LRP1B: variants seen among roughly 807,000 people sequenced by gnomAD.
LRP1B encodes low-density lipoprotein receptor-related protein 1B.
In LRP1B, 217 loss-of-function variants were observed where a neutral mutation model predicts 556.6. That is an observed-to-expected ratio of 0.39 (90% confidence interval 0.35 to 0.44). The LOEUF (loss-of-function observed/expected upper bound fraction) is 0.44. Among genes scored for constraint, LRP1B ranks in the 20% least tolerant of loss-of-function variants. The pLI is 1.00. For synonymous variants in LRP1B, 2,047 were observed against 1,865.8 expected (o/e 1.10, Z -2.50); for missense variants, 5,053 against 5,620.8 (o/e 0.90, Z 3.23).
At chr2:141,333,879 A>G (rs2714190) in intron 3 of LRP1B, among the ~76,000 whole-genome samples, 88,240 of 151,924 alleles carry the variant, frequency 0.58, 26,552 homozygotes, top group African/African-American at 0.68. Context: ...GCATATGTGT[A>G]TGATATGAGT....
At chr2:140,735,590 G>A (rs1411197403) in intron 35 of LRP1B, among the ~76,000 whole-genome samples, 2 of 152,156 alleles carry the variant, frequency 1.3e-5, no homozygotes, top group African/African-American at 4.8e-5. Context: ...ATATCTGGAT[G>A]TATGTCTTTG....
At chr2:140,827,228 C>T (rs1371389000) in intron 31 of LRP1B, among the ~76,000 whole-genome samples, 2 of 151,982 alleles carry the variant, frequency 1.3e-5, no homozygotes, top group Admixed American at 1.3e-4. Flanking sequence ...CCATAAGAAA[C>T]TACAGCAAAC....
chr2:140,644,531 T>C (rs1684411466), intron 41 of LRP1B, among the ~76,000 whole-genome samples: 1 of 151,902 alleles, frequency 6.6e-6, no homozygotes. Context: ...CCCAAGTTGC[T>C]AGACTATAGA....
chr2:141,023,342 G>A (rs969886815), intron 11 of LRP1B, among the ~76,000 whole-genome samples: 1 of 151,620 alleles, frequency 6.6e-6, no homozygotes, highest in Non-Finnish European at 1.5e-5. Flanking sequence ...AATTCCTGAT[G>A]TTAACAATAT....
chr2:140,659,292 A>AT (rs1437501587), intron 41 of LRP1B, among the ~76,000 whole-genome samples: 3 of 151,656 alleles, frequency 2.0e-5, no homozygotes, highest in Non-Finnish European at 4.4e-5. Flanking sequence ...TAGTAGATCT[A>AT]TTTTTCAGCA....
chr2:141,107,197 T>C (rs1700626833), intron 7 of LRP1B, among the ~76,000 whole-genome samples: 1 of 152,156 alleles, frequency 6.6e-6, no homozygotes, highest in Non-Finnish European at 1.5e-5. Context: ...ACTTAGTAAA[T>C]AATAGCATAT....
rs576632533 is a variant in LRP1B at position 141,665,468 on chromosome 2, T to C, written c.205+144811A>G. 1.4e-3 allele frequency among the ~76,000 whole-genome samples: 220 copies of C among 152,322 alleles called. 2 individuals are homozygous for C. Among genetic ancestry groups the C allele is most frequent in the African/African-American group, 5.1e-3 (211 of 41,580 alleles). ...GTCTGTGGAGAAGTTGGAACACTTTTACACTGTTGGGAATGTAAATTAATT... is the reference window on the plus strand; with the variant it reads ...GTCTGTGGAGAAGTTGGAACACTTTCACACTGTTGGGAATGTAAATTAATT... On this transcript the variant is annotated intron_variant, in intron 2 of 90. Coordinates refer to ENST00000389484, the MANE Select transcript of LRP1B (RefSeq NM_018557.3).
At position 141,188,458 on chromosome 2, in the gene LRP1B, G is replaced by C. The variant is rs1025444415; in HGVS notation, c.976C>G (p.His326Asp). 1.5e-5 allele frequency: 24 copies of C among 1,612,442 alleles called. No homozygotes were observed. The highest frequency in any genetic ancestry group is 1.8e-5 in the Non-Finnish European group (21 of 1,179,132). The change falls in exon 7 of 91, where the codon CAC becomes GAC. Residue 326 changes from histidine to aspartate, a missense_variant. By Grantham distance (81) the His-to-Asp change is moderately conservative. Coordinates refer to ENST00000389484, the MANE Select transcript of LRP1B (RefSeq NM_018557.3). ...TCTACTGCTATTGCTTTAGGATTGTGAAGCTCCAGATCAATCAGGGTGACA... is the reference window on the plus strand; with the variant it reads ...TCTACTGCTATTGCTTTAGGATTGTCAAGCTCCAGATCAATCAGGGTGACA... ...VCVTLIDLELHNPKAIAVDPI... is the reference protein window; with the variant it reads ...VCVTLIDLELDNPKAIAVDPI...
intron 2 of LRP1B, among the ~76,000 whole-genome samples, chr2:141,660,813 A>G (rs539798159): frequency 6.3e-4 from 96 of 152,064 alleles, no homozygotes; most frequent in Non-Finnish European, 3.2e-4. Flanking sequence ...CACACCTTCC[A>G]CCAATGAGCA....
chr2:141,413,547 A>G (rs1436136425), intron 3 of LRP1B, among the ~76,000 whole-genome samples: 1 of 152,160 alleles, frequency 6.6e-6, no homozygotes, highest in Non-Finnish European at 1.5e-5. Flanking sequence ...CGAATTACAG[A>G]ACATCAAGAT....
intron 2 of LRP1B, among the ~76,000 whole-genome samples, chr2:141,488,635 T>A (rs567676781): frequency 6.6e-6 from 1 of 151,786 alleles, no homozygotes; most frequent in African/African-American, 2.4e-5. Flanking sequence ...ATTCTTTTAT[T>A]TTTTTTGTAC....
intron 2 of LRP1B, among the ~76,000 whole-genome samples, chr2:141,480,959 C>G (rs1049794157): frequency 1.3e-5 from 2 of 152,002 alleles, no homozygotes; most frequent in Non-Finnish European, 2.9e-5. Flanking sequence ...GTAACAGGAA[C>G]AAAAATGTTT....
intron 67 of LRP1B, among the ~76,000 whole-genome samples, chr2:140,381,974 C>G (rs1056378505): frequency 6.6e-6 from 1 of 150,456 alleles, no homozygotes; most frequent in Non-Finnish European, 1.5e-5. Context: ...AACCACAGAA[C>G]TGAAAAGAGC....
chr2:141,806,819 T>A (rs1246015243), intron 2 of LRP1B, among the ~76,000 whole-genome samples: 1 of 152,054 alleles, frequency 6.6e-6, no homozygotes, highest in African/African-American at 2.4e-5. Flanking sequence ...CCAAACAATA[T>A]CCATTTAATT....
At chr2:141,488,733 C>T (rs72849660) in intron 2 of LRP1B, among the ~76,000 whole-genome samples, 10,075 of 152,032 alleles carry the variant, frequency 0.066, 424 homozygotes, top group South Asian at 0.18. Flanking sequence ...CTGGGAATTA[C>T]AAGCATGAGC....
intron 86 of LRP1B, 127 bp from the exon 87 acceptor site, chr2:140,247,289 A>G: frequency 1.4e-5 from 9 of 652,322 alleles, no homozygotes; most frequent in South Asian, 1.3e-4. Flanking sequence ...TAAATATTAC[A>G]TAGAGATTTC....
At chr2:141,398,725 G>C (rs1690338094) in intron 3 of LRP1B, among the ~76,000 whole-genome samples, 1 of 152,160 alleles carries the variant, frequency 6.6e-6, no homozygotes, top group Admixed American at 6.5e-5. Context: ...CCCGCTATTA[G>C]GCAGAAACCG....
At chr2:141,869,158 A>C (rs1041712014) in intron 1 of LRP1B, among the ~76,000 whole-genome samples, 1 of 152,132 alleles carries the variant, frequency 6.6e-6, no homozygotes, top group South Asian at 2.1e-4. Context: ...CATCCGATAG[A>C]ATGTGCAATG....
At chr2:140,490,716 C>T (rs1688662503) in intron 57 of LRP1B, among the ~76,000 whole-genome samples, 1 of 152,030 alleles carries the variant, frequency 6.6e-6, no homozygotes, top group African/African-American at 2.4e-5. Context: ...AAAATATGTT[C>T]CCTGAAAGAA....
Sources: allele counts gnomAD v4.1 joint callset (sites outside exome capture counted in the v4.1 genomes callset), GRCh38; gene constraint gnomAD v4.1.1; transcripts MANE v1.5; gene names NCBI Gene and HGNC (gene_info 2026-07-23, HGNC 2026-07-21).